The following POP1 variants were observed in gnomAD, a reference collection of about 807,000 sequenced individuals.
The protein encoded by POP1 is POP1 ribonuclease P/MRP subunit.
A neutral mutation model predicts 102.2 loss-of-function variants in POP1; 75 were observed. That is an observed-to-expected ratio of 0.73 (90% CI 0.61 to 0.89). POP1 has a LOEUF of 0.89. Ranked by LOEUF, POP1 falls within the 40% of genes least tolerant of loss-of-function variation. The pLI, the probability that POP1 is intolerant of heterozygous loss-of-function variation, is 0.00. For missense variants in POP1, 1,116 were observed against 1,267.4 expected (o/e 0.88, Z 1.81); for synonymous variants, 436 against 464.1 (o/e 0.94, Z 0.78).
In POP1 at chr8:98,158,171, A is replaced by G. The variant is rs1586256689; in HGVS notation, c.2975A>G (p.Asp992Gly). ...TTTGTTAGCTTGACAGGCTTGCTGGATATGCTGTCCAGCCAGCCTGCAGCG... is the reference window on the plus strand; with the variant it reads ...TTTGTTAGCTTGACAGGCTTGCTGGGTATGCTGTCCAGCCAGCCTGCAGCG... ...LGFVSLTGLL[D>G]MLSSQPAAQR... The change falls in exon 16 of 16, where the codon GAT becomes GGT. Residue 992 changes from aspartate (D) to glycine (G), a missense_variant. By Grantham distance (94) the Asp-to-Gly change is moderately conservative. Coordinates refer to ENST00000401707, the MANE Select transcript of POP1 (RefSeq NM_001145860.2). 1 of 1,611,222 alleles carries G rather than the reference A, an allele frequency of 6.2e-7. No homozygotes were observed. The highest frequency in any genetic ancestry group is 8.5e-7 in the Non-Finnish European group (1 of 1,179,470).
In POP1 at chr8:98,150,469, T is replaced by C. The variant is rs373465644; in HGVS notation, c.1903-16T>C. 4 of 1,613,760 alleles carry C rather than the reference T, an allele frequency of 2.5e-6. No homozygotes were observed. Among genetic ancestry groups the C allele is most frequent in the Non-Finnish European group, 3.4e-6 (4 of 1,179,984 alleles). On this transcript the variant is annotated splice_polypyrimidine_tract_variant and intron_variant, in intron 13 of 15. Transcript: ENST00000401707. ...AAGTTGGTAGACTGACAGTATCTTT[T>C]TGACATTTCTTTTAGATTTATCGAG...
intron 2 of POP1, among the ~76,000 whole-genome samples, chr8:98,127,102 G>A (rs1425596872): frequency 1.3e-5 from 2 of 152,130 alleles, no homozygotes. Context: ...GTTCTCACAT[G>A]GTGGAAGGAG....
At chr8:98,139,949 G>C in intron 9 of POP1, 129 bp from the exon 10 acceptor site, 1 of 763,596 alleles carries the variant, frequency 1.3e-6, no homozygotes, top group South Asian at 1.5e-5. Context: ...CAACTTCCCT[G>C]GTTCATCCCA....
intron 3 of POP1, 125 bp from the exon 4 acceptor site, chr8:98,128,240 T>C (rs2130586018): frequency 1.1e-6 from 1 of 869,932 alleles, no homozygotes. Flanking sequence ...ACCTTAGATA[T>C]GCTTTCTGGT....
At chr8:98,125,179 GTTTTT>G (rs748014497) in intron 2 of POP1, among the ~76,000 whole-genome samples, 1 of 102,260 alleles carries the variant, frequency 9.8e-6, no homozygotes, top group African/African-American at 4.1e-5. Context: ...TTTACAGACA[GTTTTT>G]TTTTTTTTTT....
At chr8:98,157,020 G>C (rs150108471) in intron 15 of POP1, among the ~76,000 whole-genome samples, 4,060 of 150,964 alleles carry the variant, frequency 0.027, 169 homozygotes, top group African/African-American at 0.085. Context: ...TCCTGCCTCA[G>C]CCTCCCAAGT....
chr8:98,140,922 C>G (rs575993259), intron 11 of POP1, 34 bp downstream of exon 11: 10 of 1,607,678 alleles, frequency 6.2e-6, no homozygotes, highest in South Asian at 5.5e-5. Context: ...GTTTTCCTTA[C>G]TATTTCGAGC....
chr8:98,134,864 C>A (rs58328760), intron 7 of POP1, among the ~76,000 whole-genome samples: 1,889 of 152,116 alleles, frequency 0.012, 36 homozygotes, highest in African/African-American at 0.043. Context: ...TGACAAAAAG[C>A]AAATATATTC....
chr8:98,143,240 G>T (rs1443777445), intron 11 of POP1, among the ~76,000 whole-genome samples: 1 of 152,224 alleles, frequency 6.6e-6, no homozygotes, highest in Non-Finnish European at 1.5e-5. Flanking sequence ...TAGGCCCACT[G>T]ATGTGTGTGC....
intron 9 of POP1, among the ~76,000 whole-genome samples, chr8:98,137,492 T>C (rs1816580049): frequency 6.6e-6 from 1 of 152,162 alleles, no homozygotes; most frequent in Non-Finnish European, 1.5e-5. Flanking sequence ...TTCACCATGT[T>C]GGACAGGCTG....
intron 14 of POP1, among the ~76,000 whole-genome samples, chr8:98,152,800 T>C (rs1029464258): frequency 6.6e-6 from 1 of 152,240 alleles, no homozygotes; most frequent in African/African-American, 2.4e-5. Flanking sequence ...GACTTTTTGC[T>C]GTGTGTTTCT....
rs1586254337 is a variant in POP1, at chr8:98,156,204, C to T, written c.2212C>T (p.Leu738=). The part of the protein sequence containing the change: ...ASSPNGKESD[L]RRSEVPCAPM... ...ATCTCCAAATGGTAAGGAGAGTGAC[C>T]TAAGAAGATCTGAGGTGCCTTGTGC... Residue 738 remains leucine, a synonymous_variant, in exon 15 of 16, where the codon CTA becomes TTA. Transcript: ENST00000401707. 1.2e-6 allele frequency: 2 copies of T among 1,613,970 alleles called. No individual in the cohort carries two copies. Among genetic ancestry groups the T allele is most frequent in the East Asian group, 4.5e-5 (2 of 44,872 alleles).
At chr8:98,150,457 G>A in intron 13 of POP1, 28 bp from the exon 14 acceptor site, 6 of 1,612,998 alleles carry the variant, frequency 3.7e-6, no homozygotes, top group Non-Finnish European at 5.1e-6. Context: ...TTGGTAGACT[G>A]ACAGTATCTT....
At chr8:98,144,554 C>T (rs1327330471) in intron 11 of POP1, among the ~76,000 whole-genome samples, 1 of 152,142 alleles carries the variant, frequency 6.6e-6, no homozygotes, top group Non-Finnish European at 1.5e-5. Flanking sequence ...GGATTACAGG[C>T]GTGAGCCACT....
intron 14 of POP1, 117 bp from the exon 15 acceptor site, chr8:98,155,909 TTGTGTGTGTGTGTGTGTGTGTGTG>T (rs58936294): frequency 8.3e-5 from 43 of 519,498 alleles, no homozygotes; most frequent in African/African-American, 3.1e-4. Context: ...TGGAAAGCTT[TTGTGTGTGTGTGTGTGTGTGTGTG>T]TGTGTGTGTG....
intron 4 of POP1, among the ~76,000 whole-genome samples, chr8:98,129,314 A>T (rs1436222597): frequency 6.6e-6 from 1 of 152,220 alleles, no homozygotes; most frequent in Non-Finnish European, 1.5e-5. Flanking sequence ...GCTTCACCAG[A>T]ATTCTAGACT....
rs376265301 is a variant in POP1 at position 98,140,839 on chromosome 8, T to G, written c.1545T>G (p.Asn515Lys). 8.7e-6 allele frequency: 14 copies of G among 1,613,836 alleles called. No homozygotes were observed. Among genetic ancestry groups the G allele is most frequent in the African/African-American group, 1.3e-5 (1 of 74,908 alleles). The change falls in exon 11 of 16, where the codon AAT becomes AAG. Residue 515 changes from asparagine to lysine, a missense_variant. Coordinates refer to ENST00000401707, the MANE Select transcript of POP1 (RefSeq NM_001145860.2). ...TGACAGTTGGGGATCCTCGAATAAA[T>G]TTGCCCCAAAAGAAGTCCAAAGCTT... ...LGLTVGDPRI[N>K]LPQKKSKALP...
chr8:98,132,931 A>T (rs11987920), intron 5 of POP1, among the ~76,000 whole-genome samples: 143 of 90,582 alleles, frequency 1.6e-3, no homozygotes, highest in Middle Eastern at 6.9e-3. Flanking sequence ...AAAAAAAAAA[A>T]TCTGGGTGTG....
chr8:98,140,168 G>C lies in POP1; in HGVS notation c.1453G>C (p.Ala485Pro), dbSNP rs1816665752. Reference sequence around the variant, plus strand: ...CGTTTCCCTTCATTGCAGACAAGAAGCCATTTTCGAGTTGTTGGGAGGTAT... The same window carrying C: ...CGTTTCCCTTCATTGCAGACAAGAACCCATTTTCGAGTTGTTGGGAGGTAT... ...DSVSLHCRQEAIFELLGGITS... is the reference protein window; with the variant it reads ...DSVSLHCRQEPIFELLGGITS... Residue 485 changes from alanine to proline, a missense_variant, in exon 10 of 16, where the codon GCC (alanine) becomes CCC (proline). Transcript: ENST00000401707. 1 of 1,613,908 alleles carries C rather than the reference G, an allele frequency of 6.2e-7. No homozygotes were observed. The highest frequency in any genetic ancestry group is 8.5e-7 in the Non-Finnish European group (1 of 1,179,948).
Sources: gnomAD v4.1 joint callset for allele counts (sites outside exome capture counted in the v4.1 genomes callset) on GRCh38, gnomAD v4.1.1 for gene constraint, MANE v1.5 for transcripts, NCBI Gene and HGNC (gene_info 2026-07-23, HGNC 2026-07-21) for gene names.